The following TPD52 variants were observed in gnomAD, a reference collection of about 807,000 sequenced individuals.
TPD52 encodes prostate and colon associated protein.
In TPD52, 17 loss-of-function variants were observed where a neutral mutation model predicts 31.3. The observed-to-expected ratio is 0.54, with a 90% confidence interval of 0.37 to 0.82. TPD52 has a LOEUF of 0.82. Among genes scored for constraint, TPD52 ranks in the 40% least tolerant of loss-of-function variants. The probability of loss-of-function intolerance (pLI) is 0.00; values close to 1 mark genes in which losing one functional copy is unlikely to be tolerated. For missense variants in TPD52, 212 were observed against 240.1 expected (o/e 0.88, Z 0.77); for synonymous variants, 83 against 89.6 (o/e 0.93, Z 0.42).
chr8:80,080,357 C>A (rs1308622516), intron 1 of TPD52: 2 of 1,614,120 alleles, frequency 1.2e-6, no homozygotes, highest in Non-Finnish European at 1.7e-6. Context: ...GATGAATTTC[C>A]ACTAGGAGAC....
chr8:80,111,136 C>G (rs989996541), intron 1 of TPD52, among the ~76,000 whole-genome samples: 1 of 152,156 alleles, frequency 6.6e-6, no homozygotes, highest in African/African-American at 2.4e-5. Flanking sequence ...CACTTGAGCT[C>G]AAAAGTTCGA....
At chr8:80,065,121 T>C (rs967540743) in intron 1 of TPD52, among the ~76,000 whole-genome samples, 5 of 151,986 alleles carry the variant, frequency 3.3e-5, no homozygotes, top group African/African-American at 7.3e-5. Flanking sequence ...GCAGAAAACA[T>C]CTTCTTGTAA....
intron 1 of TPD52, among the ~76,000 whole-genome samples, chr8:80,161,467 T>C (rs1304958779): frequency 1.3e-5 from 2 of 152,192 alleles, no homozygotes; most frequent in Non-Finnish European, 2.9e-5. Context: ...ACCTACTACA[T>C]TCATACTTGA....
chr8:80,051,870 A>G (rs1441812898), intron 3 of TPD52: 4 of 406,240 alleles, frequency 9.8e-6, no homozygotes, highest in African/African-American at 8.3e-5. Context: ...ACAGAGTCCT[A>G]TAAAGGCAGG....
At chr8:80,154,601 C>T (rs1810800937) in intron 1 of TPD52, among the ~76,000 whole-genome samples, 1 of 151,896 alleles carries the variant, frequency 6.6e-6, no homozygotes. Flanking sequence ...TCTCCTCAGC[C>T]CAAAATTCAT....
chr8:80,040,262 G>A (rs1425512441), intron 7 of TPD52, among the ~76,000 whole-genome samples: 1 of 128,290 alleles, frequency 7.8e-6, no homozygotes, highest in South Asian at 2.4e-4. Context: ...TGGCATAATC[G>A]CTGCTCACTC....
chr8:80,159,157 C>T (rs1811189602), intron 1 of TPD52, among the ~76,000 whole-genome samples: 1 of 152,164 alleles, frequency 6.6e-6, no homozygotes, highest in African/African-American at 2.4e-5. Flanking sequence ...TATTGAGCAC[C>T]AGTACTAGTA....
intron 1 of TPD52, among the ~76,000 whole-genome samples, chr8:80,146,727 A>G (rs1188574961): frequency 6.6e-6 from 1 of 152,252 alleles, no homozygotes; most frequent in African/African-American, 2.4e-5. Context: ...TAATAGAATT[A>G]AGGCACATTT....
intron 1 of TPD52, among the ~76,000 whole-genome samples, chr8:80,131,387 T>C (rs770444265): frequency 2.6e-5 from 4 of 152,234 alleles, no homozygotes; most frequent in Non-Finnish European, 4.4e-5. Flanking sequence ...GCATATTATA[T>C]ACCCTCAAAT....
chr8:80,080,634 C>A, intron 1 of TPD52: 1 of 1,347,858 alleles, frequency 7.4e-7, no homozygotes, highest in Non-Finnish European at 9.5e-7. Context: ...CTTCACGCCC[C>A]TCCTGATAAG....
chr8:80,100,307 C>A (rs1806640291), intron 1 of TPD52, among the ~76,000 whole-genome samples: 1 of 152,172 alleles, frequency 6.6e-6, no homozygotes. Flanking sequence ...TAATTATTTT[C>A]TCTGGCAATT....
In TPD52 at chr8:80,097,707, T is replaced by C. The variant is rs532558844; in HGVS notation, c.20-33114A>G. ...GTGAGCCAATTAAACCTTTTCTTTATAAATTACCCAGTCTCAGGTAGCTCT... is the reference window on the plus strand; with the variant it reads ...GTGAGCCAATTAAACCTTTTCTTTACAAATTACCCAGTCTCAGGTAGCTCT... On this transcript the variant is annotated intron_variant, in intron 1 of 7. Transcript: ENST00000518937. Among the ~76,000 whole-genome samples the C allele has an allele frequency of 4.6e-5, 7 of 152,338 alleles. No individual in the cohort carries two copies. In the East Asian group the frequency reaches 1.4e-3, roughly 29 times the overall value.
At chr8:80,056,352 G>A (rs1317945666) in intron 2 of TPD52, among the ~76,000 whole-genome samples, 1 of 152,174 alleles carries the variant, frequency 6.6e-6, no homozygotes, top group Non-Finnish European at 1.5e-5. Flanking sequence ...TAAAATTGTG[G>A]GTGTTAGAGG....
chr8:80,062,580 A>G (rs976484439), intron 2 of TPD52, among the ~76,000 whole-genome samples: 1 of 152,190 alleles, frequency 6.6e-6, no homozygotes, highest in Non-Finnish European at 1.5e-5. Flanking sequence ...ACAGAAAATA[A>G]CAAATGTTGC....
chr8:80,083,061 G>A (rs544414648), intron 1 of TPD52, among the ~76,000 whole-genome samples: 9 of 152,220 alleles, frequency 5.9e-5, no homozygotes, highest in Middle Eastern at 3.4e-3. Context: ...TGGGTTAATG[G>A]AATGGCAAAA....
intron 1 of TPD52, among the ~76,000 whole-genome samples, chr8:80,152,274 G>A (rs772997179): frequency 3.3e-5 from 5 of 152,126 alleles, no homozygotes; most frequent in Non-Finnish European, 5.9e-5. Context: ...TCCTCAGCAG[G>A]AGGATGAAGA....
At chr8:80,162,491 A>C (rs1811425318) in intron 1 of TPD52, among the ~76,000 whole-genome samples, 1 of 152,102 alleles carries the variant, frequency 6.6e-6, no homozygotes, top group African/African-American at 2.4e-5. Context: ...TAAGCTCTGT[A>C]ATTTTTTTTT....
intron 1 of TPD52, among the ~76,000 whole-genome samples, chr8:80,133,932 G>A (rs1809207348): frequency 6.6e-6 from 1 of 152,120 alleles, no homozygotes; most frequent in Non-Finnish European, 1.5e-5. Context: ...ATAAGAAGAA[G>A]ATACAGAGGA....
At chr8:80,041,918 T>G (rs1477044811) in intron 7 of TPD52, among the ~76,000 whole-genome samples, 1 of 151,946 alleles carries the variant, frequency 6.6e-6, no homozygotes, top group African/African-American at 2.4e-5. Context: ...TGAAACCCCA[T>G]CTCTACTAAA....
Sources: gnomAD v4.1 joint callset for allele counts (sites outside exome capture counted in the v4.1 genomes callset) on GRCh38, gnomAD v4.1.1 for gene constraint, MANE v1.5 for transcripts, NCBI Gene and HGNC (gene_info 2026-07-23, HGNC 2026-07-21) for gene names.